The following NAA15 variants were observed in gnomAD, a reference collection of about 807,000 sequenced individuals.
The protein encoded by NAA15 is N-alpha-acetyltransferase 15, NatA auxiliary subunit, also known as N-terminal acetyltransferase.
A neutral mutation model predicts 114.0 loss-of-function variants in NAA15; 34 were observed. The observed-to-expected ratio is 0.30, with a 90% confidence interval of 0.23 to 0.40. The LOEUF (loss-of-function observed/expected upper bound fraction) is 0.40, where lower values mean the gene tolerates loss of function less well. Ranked by LOEUF, NAA15 falls within the 10% of genes least tolerant of loss-of-function variation. NAA15 has a pLI of 1.00. For missense variants in NAA15, 658 were observed against 1,004.5 expected (o/e 0.66, Z 4.66); for synonymous variants, 340 against 338.0 (o/e 1.01, Z -0.06).
intron 1 of NAA15, among the ~76,000 whole-genome samples, chr4:139,319,565 G>A (rs1004421492): frequency 2.6e-5 from 4 of 151,932 alleles, no homozygotes; most frequent in Non-Finnish European, 4.4e-5. Flanking sequence ...CCTCGTGGGC[G>A]GCTGGGATTA....
In NAA15 at chr4:139,390,876, G is replaced by C. The variant is rs996434371; in HGVS notation, c.*2792G>C. ...TTTCACAGTGTTGTTTGTACTCCAT[G>C]GTGTATTGCTATTAGAGCTGTGAAA... On this transcript the variant is annotated 3_prime_UTR_variant, in exon 20 of 20. Coordinates refer to ENST00000296543, the MANE Select transcript of NAA15 (RefSeq NM_057175.5). 62 of 152,210 alleles carry C rather than the reference G, an allele frequency of 4.1e-4. No individual in the cohort carries two copies. Among genetic ancestry groups the C allele is most frequent in the African/African-American group, 1.4e-3 (58 of 41,530 alleles). 9.4% of individuals were successfully genotyped at this position (152,210 alleles called of 1,614,324 possible).
At chr4:139,331,414 A>G (rs189246697) in intron 1 of NAA15, among the ~76,000 whole-genome samples, 4 of 151,316 alleles carry the variant, frequency 2.6e-5, no homozygotes, top group Admixed American at 2.0e-4. Context: ...TCATTCCTCA[A>G]CATAATTATA....
intron 19 of NAA15, among the ~76,000 whole-genome samples, chr4:139,386,997 G>A (rs942465521): frequency 2.0e-5 from 3 of 152,150 alleles, no homozygotes; most frequent in African/African-American, 7.2e-5. Context: ...AGATAAACAT[G>A]TATATGCTGA....
chr4:139,380,917 A>T (rs1332433653), intron 17 of NAA15, among the ~76,000 whole-genome samples: 1 of 152,220 alleles, frequency 6.6e-6, no homozygotes, highest in African/African-American at 2.4e-5. Flanking sequence ...ACTTTAAAAA[A>T]ATATGTAATT....
chr4:139,373,528 G>T (rs1009164568), intron 15 of NAA15, among the ~76,000 whole-genome samples: 5 of 152,116 alleles, frequency 3.3e-5, no homozygotes, highest in Admixed American at 1.3e-4. Context: ...ATGGGAATTA[G>T]TAAGGTCAGT....
chr4:139,358,838 C>T (rs780240987), intron 11 of NAA15, among the ~76,000 whole-genome samples: 75 of 152,150 alleles, frequency 4.9e-4, no homozygotes, highest in Non-Finnish European at 8.8e-4. Flanking sequence ...TAGTATTGGC[C>T]GGGAGCTGTG....
At chr4:139,316,177 A>G (rs566871215) in intron 1 of NAA15, among the ~76,000 whole-genome samples, 3 of 152,004 alleles carry the variant, frequency 2.0e-5, no homozygotes, top group Admixed American at 2.0e-4. Flanking sequence ...TTCCTCAGGA[A>G]TGCTTGTGAA....
intron 1 of NAA15, among the ~76,000 whole-genome samples, chr4:139,320,651 G>A (rs1395775888): frequency 1.3e-5 from 2 of 152,092 alleles, no homozygotes; most frequent in African/African-American, 2.4e-5. Context: ...CTCCTGAGCC[G>A]CTGGGACTAC....
Position 139,344,311 on chromosome 4 carries a change from T to A in NAA15, c.663T>A (p.Cys221Ter), listed in dbSNP as rs1747508825. The A allele has an allele frequency of 6.2e-7, 1 of 1,610,316 alleles. No homozygotes were observed. Among genetic ancestry groups the A allele is most frequent in the African/African-American group, 1.3e-5 (1 of 74,844 alleles). Residue 221 changes from cysteine (C) to a stop codon, truncating the protein, a stop_gained, in exon 6 of 20, where the codon TGT becomes TGA. Coordinates refer to ENST00000296543, the MANE Select transcript of NAA15 (RefSeq NM_057175.5). LOFTEE classifies it high-confidence loss of function. ...TTTGTACCTATGAAAAGCAGATTTG[T>A]GATAAACTTGCTGTAGAAGAAACCA... ...EHLCTYEKQI[C>*]DKLAVEETKG...
intron 1 of NAA15, among the ~76,000 whole-genome samples, chr4:139,322,595 T>C (rs1746655316): frequency 6.6e-6 from 1 of 152,240 alleles, no homozygotes; most frequent in African/African-American, 2.4e-5. Flanking sequence ...GCACCAGTAG[T>C]TGTTAGGCTC....
chr4:139,374,834 A>G (rs1748538967), intron 15 of NAA15, among the ~76,000 whole-genome samples: 2 of 152,112 alleles, frequency 1.3e-5, no homozygotes, highest in African/African-American at 4.8e-5. Context: ...CCTTTGGGGG[A>G]ATATGTTCTT....
chr4:139,311,072 A>C lies in NAA15; in HGVS notation c.54+9241A>C, dbSNP rs191773571. Among the ~76,000 whole-genome samples the C allele has an allele frequency of 2.3e-4, 35 of 151,614 alleles. 1 individual carries two copies. The highest frequency in any genetic ancestry group is 1.1e-3 in the Admixed American group (17 of 15,236). ...TCTGGGTAGCTGGGACTACAGGCAC[A>C]TGCCACCATGCCTGGCTAAACAGGT... On this transcript the variant is annotated intron_variant, in intron 1 of 19. Transcript: ENST00000296543.
intron 6 of NAA15, among the ~76,000 whole-genome samples, chr4:139,347,755 G>A (rs369937981): frequency 6.6e-6 from 1 of 151,950 alleles, no homozygotes; most frequent in Non-Finnish European, 1.5e-5. Context: ...TAAGTCGGCC[G>A]GGCGCGGTGG....
At chr4:139,348,215 A>T (rs976997558) in intron 6 of NAA15, among the ~76,000 whole-genome samples, 1 of 152,154 alleles carries the variant, frequency 6.6e-6, no homozygotes, top group Non-Finnish European at 1.5e-5. Context: ...GCACTTTGGG[A>T]GGCCAAGGTG....
intron 1 of NAA15, among the ~76,000 whole-genome samples, chr4:139,310,243 A>G (rs1003084399): frequency 3.3e-5 from 5 of 151,986 alleles, no homozygotes; most frequent in African/African-American, 4.8e-5. Flanking sequence ...TCACGAGGTC[A>G]GGAGATCGAG....
intron 14 of NAA15, among the ~76,000 whole-genome samples, 199 bp downstream of exon 14, chr4:139,362,136 T>C (rs531943190): frequency 6.6e-6 from 1 of 152,358 alleles, no homozygotes; most frequent in South Asian, 2.1e-4. Context: ...CAGTTATTCA[T>C]TGGCATTTAA....
chr4:139,334,015 A>G (rs1747117197), intron 1 of NAA15, among the ~76,000 whole-genome samples, 159 bp from the exon 2 acceptor site: 1 of 151,608 alleles, frequency 6.6e-6, no homozygotes, highest in South Asian at 2.1e-4. Flanking sequence ...TACTTCCTGT[A>G]TTTGAACCTT....
intron 1 of NAA15, among the ~76,000 whole-genome samples, chr4:139,314,406 T>G (rs1189948737): frequency 6.6e-6 from 1 of 151,934 alleles, no homozygotes; most frequent in Non-Finnish European, 1.5e-5. Flanking sequence ...TTTAAAATGT[T>G]AAAAATGCTC....
intron 15 of NAA15, among the ~76,000 whole-genome samples, chr4:139,371,497 G>GCACACACACA (rs35581039): frequency 0.019 from 2,156 of 113,610 alleles, 75 homozygotes; most frequent in East Asian, 0.039. Flanking sequence ...AAGAAAAGTA[G>GCACACACACA]CACACACACA....
Sources: allele counts gnomAD v4.1 joint callset (sites outside exome capture counted in the v4.1 genomes callset), GRCh38; gene constraint gnomAD v4.1.1; transcripts MANE v1.5; gene names NCBI Gene and HGNC (gene_info 2026-07-23, HGNC 2026-07-21).